Variants in ZNF107 observed in about 807,000 individuals in gnomAD.
The protein encoded by ZNF107 is C2H2 type zinc-finger protein.
In ZNF107, 19 loss-of-function variants were observed where a neutral mutation model predicts 12.3. The observed-to-expected ratio is 1.55, with a 90% CI of 1.08 to 2.27. The LOEUF is 2.27. Ranked by LOEUF, ZNF107 falls within the 30% of genes most tolerant of loss-of-function variation. The pLI, the probability that ZNF107 is intolerant of heterozygous loss-of-function variation, is 0.00. For synonymous variants in ZNF107, 317 were observed against 330.5 expected, an observed-to-expected ratio of 0.96 and a Z score of 0.44; for missense variants, 958 against 979.9, an observed-to-expected ratio of 0.98 and a Z score of 0.30.
Position 64,708,717 on chromosome 7 carries a change from A to G in ZNF107, c.*61A>G. Reference sequence around the variant, plus strand: ...ATACTGGAGAGAAACTACAAATGTGAAGAATGTGTTAAAGCCTTTAACAAG... The same window carrying G: ...ATACTGGAGAGAAACTACAAATGTGGAGAATGTGTTAAAGCCTTTAACAAG... On this transcript the variant is annotated 3_prime_UTR_variant, in exon 4 of 4. Transcript: ENST00000620827. 1 of 1,493,186 alleles carries G rather than the reference A, an allele frequency of 6.7e-7. No individual in the cohort carries two copies. Among genetic ancestry groups the G allele is most frequent in the South Asian group, 1.3e-5 (1 of 78,530 alleles). 92.5% of individuals were successfully genotyped at this position (1,493,186 alleles called of 1,614,324 possible).
At chr7:64,684,736 T>G in intron 1 of ZNF107, 1 of 984,766 alleles carries the variant, frequency 1.0e-6, no homozygotes, top group Non-Finnish European at 1.2e-6. Context: ...TGATCTCATC[T>G]TTTAGGGCAC....
At chr7:64,686,594 A>C in intron 1 of ZNF107, 1 of 985,482 alleles carries the variant, frequency 1.0e-6, no homozygotes. Context: ...CATTATTGCC[A>C]GCAGGCCATT....
intron 1 of ZNF107, among the ~76,000 whole-genome samples, chr7:64,671,663 C>T (rs1369058003): frequency 1.3e-5 from 2 of 152,088 alleles, no homozygotes; most frequent in Non-Finnish European, 1.5e-5. Context: ...TTTTGGAGTA[C>T]ACATGCAGTT....
intron 1 of ZNF107, among the ~76,000 whole-genome samples, chr7:64,680,936 C>T (rs1241948144): frequency 6.6e-6 from 1 of 152,180 alleles, no homozygotes; most frequent in Non-Finnish European, 1.5e-5. Flanking sequence ...CGCCCAGCAG[C>T]CCCTCCAGGG....
At chr7:64,701,430 T>A (rs1467583229) in intron 3 of ZNF107, among the ~76,000 whole-genome samples, 3 of 133,990 alleles carry the variant, frequency 2.2e-5, no homozygotes, top group Non-Finnish European at 5.1e-5. Flanking sequence ...CCTGGCTAAT[T>A]TTTGTATTTT....
rs138032382 is a variant in ZNF107, at chr7:64,694,971, C to A, written c.226+3011C>A. Reference sequence around the variant, plus strand: ...TATAAACAAATTATAGGATTTTCACCCACTTTCTTCAGCCTATATCTAAAT... The same window carrying A: ...TATAAACAAATTATAGGATTTTCACACACTTTCTTCAGCCTATATCTAAAT... On this transcript the variant is annotated intron_variant, in intron 3 of 3. Transcript: ENST00000620827. Among the ~76,000 whole-genome samples, 384 of 151,926 alleles carry A rather than the reference C, an allele frequency of 2.5e-3. 7 individuals are homozygous for A. Among genetic ancestry groups the A allele is most frequent in the Admixed American group, 0.018 (273 of 15,238 alleles).
chr7:64,704,775 A>G (rs542670391), intron 3 of ZNF107, among the ~76,000 whole-genome samples: 2 of 152,250 alleles, frequency 1.3e-5, no homozygotes, highest in East Asian at 3.9e-4. Context: ...TCCAGGGTTC[A>G]AGCGATTCTT....
chr7:64,707,761 A>G lies in ZNF107; in HGVS notation c.1664A>G (p.His555Arg), dbSNP rs374753896. 1.1e-5 allele frequency: 17 copies of G among 1,612,258 alleles called. No individual in the cohort carries two copies. Among genetic ancestry groups the G allele is most frequent in the African/African-American group, 2.7e-5 (2 of 74,786 alleles). Residue 555 changes from histidine to arginine, a missense_variant, in exon 4 of 4, where the codon CAT becomes CGT. Physicochemically the swap from His to Arg is conservative, Grantham distance 29 (BLOSUM62 0). Transcript: ENST00000620827. Reference protein sequence around the residue: ...AFNRFSTLTKHKRIHTGEKPY... With the variant: ...AFNRFSTLTKRKRIHTGEKPY... ...AACCGATTCTCAACCCTTACTAAAC[A>G]TAAGAGAATTCATACTGGAGAAAAA...
At position 64,708,408 on chromosome 7, in the gene ZNF107, A is replaced by G; in HGVS notation, c.2311A>G (p.Asn771Asp). 6.2e-7 allele frequency: 1 copy of G among 1,604,412 alleles called. No individual in the cohort carries two copies. The highest frequency in any genetic ancestry group is 1.1e-5 in the South Asian group (1 of 90,626). ...YKCEECGKAF[N>D]QSSNLTTHKK... Reference sequence around the variant, plus strand: ...ATGTGAAGAATGTGGCAAAGCTTTTAACCAATCCTCAAACCTTACTACACA... The same window carrying G: ...ATGTGAAGAATGTGGCAAAGCTTTTGACCAATCCTCAAACCTTACTACACA... The change falls in exon 4 of 4, where the codon AAC (asparagine) becomes GAC (aspartate). Residue 771 changes from asparagine to aspartate, a missense_variant. Physicochemically the swap from Asn to Asp is conservative, Grantham distance 23. Transcript: ENST00000620827.
chr7:64,709,539 G>GA lies in ZNF107; in HGVS notation c.*888dup. ...TACTGGTGAAAAATCCTAGAAATGT[G>GA]AAAAATATCACAAAGCCTTTAAATG... On this transcript the variant is annotated 3_prime_UTR_variant, in exon 4 of 4. Transcript: ENST00000620827. 1 of 369,300 alleles carries GA rather than the reference G, an allele frequency of 2.7e-6. No individual in the cohort carries two copies. The highest frequency in any genetic ancestry group is 5.2e-6 in the Non-Finnish European group (1 of 191,566). 22.9% of individuals were successfully genotyped at this position (369,300 alleles called of 1,614,324 possible). A position where few individuals can be genotyped will look rare whatever the true frequency, so the allele number is the denominator to read the frequency against.
chr7:64,693,179 T>TG (rs1384006357), intron 3 of ZNF107, among the ~76,000 whole-genome samples: 1 of 147,450 alleles, frequency 6.8e-6, no homozygotes, highest in Non-Finnish European at 1.5e-5. Context: ...TTTTTTTTTT[T>TG]TTTTTTTGTA....
At chr7:64,701,778 C>G (rs1790484826) in intron 3 of ZNF107, among the ~76,000 whole-genome samples, 1 of 151,912 alleles carries the variant, frequency 6.6e-6, no homozygotes, top group South Asian at 2.1e-4. Context: ...GCCATCACAC[C>G]CAGCTAGATT....
chr7:64,687,008 C>T (rs1789943652), intron 1 of ZNF107: 1 of 985,288 alleles, frequency 1.0e-6, no homozygotes, highest in Admixed American at 6.1e-5. Context: ...TAGCTGTGCA[C>T]TTTGGGTTTT....
At chr7:64,694,633 C>G (rs1331289442) in intron 3 of ZNF107, among the ~76,000 whole-genome samples, 1 of 151,864 alleles carries the variant, frequency 6.6e-6, no homozygotes, top group Non-Finnish European at 1.5e-5. Context: ...TACCATTTAG[C>G]TGTCATCGCA....
intron 3 of ZNF107, among the ~76,000 whole-genome samples, chr7:64,700,428 C>A (rs1790435963): frequency 6.6e-6 from 1 of 150,998 alleles, no homozygotes; most frequent in Non-Finnish European, 1.5e-5. Flanking sequence ...TCGTAAGCTT[C>A]CTGAGATCCT....
chr7:64,705,395 T>A (rs1790605474), intron 3 of ZNF107, among the ~76,000 whole-genome samples: 1 of 152,084 alleles, frequency 6.6e-6, no homozygotes, highest in Non-Finnish European at 1.5e-5. Context: ...GTTGTTTGTG[T>A]TCCTATTCAC....
Position 64,706,459 on chromosome 7 carries a change from A to G in ZNF107, c.362A>G (p.Asp121Gly), listed in dbSNP as rs1258492857. Residue 121 changes from aspartate to glycine, a missense_variant, in exon 4 of 4, where the codon GAT (aspartate) becomes GGT (glycine). By Grantham distance (94) the Asp-to-Gly change is moderately conservative (BLOSUM62 -1). Transcript: ENST00000620827. ...LQLRKGCKHVDECTGHKGGHN... is the reference protein window; with the variant it reads ...LQLRKGCKHVGECTGHKGGHN... Reference sequence around the variant, plus strand: ...TTAAGAAAAGGCTGTAAACATGTGGATGAGTGTACGGGGCACAAAGGAGGT... The same window carrying G: ...TTAAGAAAAGGCTGTAAACATGTGGGTGAGTGTACGGGGCACAAAGGAGGT... 2 of 1,613,808 alleles carry G rather than the reference A, an allele frequency of 1.2e-6. No individual in the cohort carries two copies.
At chr7:64,697,064 A>G (rs558714736) in intron 3 of ZNF107, among the ~76,000 whole-genome samples, 54 of 150,612 alleles carry the variant, frequency 3.6e-4, no homozygotes, top group Non-Finnish European at 6.6e-4. Flanking sequence ...GAGAACATGC[A>G]GTGTTTGGTT....
At chr7:64,691,457 T>C in intron 2 of ZNF107, 83 bp downstream of exon 2, 1 of 1,208,852 alleles carries the variant, frequency 8.3e-7, no homozygotes. Context: ...TCTGGTAATT[T>C]ATGCTTTGCA....
Sources: allele counts gnomAD v4.1 joint callset (sites outside exome capture counted in the v4.1 genomes callset), GRCh38; gene constraint gnomAD v4.1.1; transcripts MANE v1.5; gene names NCBI Gene and HGNC (gene_info 2026-07-23, HGNC 2026-07-21).